TMEM132D: variants seen among roughly 807,000 people sequenced by gnomAD.
TMEM132D encodes mature OL transmembrane protein.
In TMEM132D, 21 loss-of-function variants were observed where a neutral mutation model predicts 62.3. The ratio of observed to expected loss-of-function variants is 0.34; its 90% CI spans 0.24 to 0.49. The LOEUF (loss-of-function observed/expected upper bound fraction) is 0.49. Among genes scored for constraint, TMEM132D ranks in the 20% least tolerant of loss-of-function variants. The probability of loss-of-function intolerance (pLI) is 0.99; values close to 1 mark genes in which losing one functional copy is unlikely to be tolerated. For synonymous variants in TMEM132D, 621 were observed against 575.6 expected (o/e 1.08, Z -1.13); for missense variants, 1,346 against 1,402.8 (o/e 0.96, Z 0.65).
intron 5 of TMEM132D, among the ~76,000 whole-genome samples, chr12:129,183,524 A>C (rs1046363160): frequency 3.3e-5 from 5 of 152,250 alleles, no homozygotes; most frequent in African/African-American, 1.2e-4. Context: ...GATTTCTAGA[A>C]GGAGCCTTGC....
At chr12:129,825,766 T>C (rs1484105527) in intron 1 of TMEM132D, among the ~76,000 whole-genome samples, 1 of 152,056 alleles carries the variant, frequency 6.6e-6, no homozygotes, top group Non-Finnish European at 1.5e-5. Context: ...GGCCCACACT[T>C]TAAAGCGAGG....
chr12:129,457,652 T>A (rs1264935046), intron 3 of TMEM132D, among the ~76,000 whole-genome samples: 1 of 151,964 alleles, frequency 6.6e-6, no homozygotes, highest in Non-Finnish European at 1.5e-5. Flanking sequence ...ATGTGAAGCA[T>A]GGCTGGGAGG....
At chr12:129,484,012 C>G (rs528680266) in intron 3 of TMEM132D, among the ~76,000 whole-genome samples, 1 of 152,270 alleles carries the variant, frequency 6.6e-6, no homozygotes, top group South Asian at 2.1e-4. Flanking sequence ...CTCTGTCACT[C>G]AGGCTGGAGT....
intron 5 of TMEM132D, among the ~76,000 whole-genome samples, chr12:129,169,489 A>ATGT (rs1427180456): frequency 1.3e-5 from 2 of 152,212 alleles, no homozygotes; most frequent in Non-Finnish European, 2.9e-5. Context: ...TAGGACTGGC[A>ATGT]ATCTCTGAGC....
rs191120677 is a variant in TMEM132D at position 129,499,671 on chromosome 12, T to C, written c.1115+31388A>G. ...CATTAGGGAAATGAAATTAAACACA[T>C]GAACACGTGTTCTGGGACAGTGGAA... On this transcript the variant is annotated intron_variant, in intron 3 of 8. Coordinates refer to ENST00000422113, the MANE Select transcript of TMEM132D (RefSeq NM_133448.3). Among the ~76,000 whole-genome samples the C allele has an allele frequency of 5.6e-3, 855 of 152,292 alleles. 5 individuals are homozygous for C. Among genetic ancestry groups the C allele is most frequent in the Non-Finnish European group, 8.6e-3 (585 of 68,014 alleles).
At chr12:129,326,486 A>C (rs2135647230) in intron 4 of TMEM132D, among the ~76,000 whole-genome samples, 1 of 152,362 alleles carries the variant, frequency 6.6e-6, no homozygotes, top group African/African-American at 2.4e-5. Context: ...GCTTTGTGAC[A>C]CATGAAAATT....
intron 1 of TMEM132D, among the ~76,000 whole-genome samples, chr12:129,891,868 C>T (rs1317749560): frequency 1.3e-5 from 2 of 151,910 alleles, no homozygotes; most frequent in Non-Finnish European, 2.9e-5. Flanking sequence ...AGAGAGTGAA[C>T]AAAACTGGCT....
At chr12:129,627,223 C>T (rs546793674) in intron 2 of TMEM132D, among the ~76,000 whole-genome samples, 8 of 152,288 alleles carry the variant, frequency 5.3e-5, no homozygotes, top group South Asian at 2.1e-4. Flanking sequence ...AACCACAGAC[C>T]GCCTATATGA....
intron 4 of TMEM132D, among the ~76,000 whole-genome samples, chr12:129,317,161 T>A (rs1868516244): frequency 6.6e-6 from 1 of 152,230 alleles, no homozygotes; most frequent in Non-Finnish European, 1.5e-5. Flanking sequence ...CTCGCATTCA[T>A]CATGCTCTTT....
intron 2 of TMEM132D, among the ~76,000 whole-genome samples, chr12:129,625,073 G>T (rs1879177784): frequency 1.3e-5 from 2 of 152,312 alleles, no homozygotes; most frequent in African/African-American, 4.8e-5. Flanking sequence ...CTGCCTCACT[G>T]TGCAGGTAAT....
chr12:129,410,293 C>G (rs1420896321), intron 3 of TMEM132D, among the ~76,000 whole-genome samples: 1 of 152,204 alleles, frequency 6.6e-6, no homozygotes, highest in East Asian at 1.9e-4. Flanking sequence ...TTCGTCCATT[C>G]TCACACTGAT....
chr12:129,698,307 C>T (rs1029544940), intron 2 of TMEM132D: 2 of 151,590 alleles, frequency 1.3e-5, no homozygotes, highest in Admixed American at 6.6e-5. Flanking sequence ...GGCTATTCCG[C>T]GAATGGCACG....
intron 1 of TMEM132D, among the ~76,000 whole-genome samples, chr12:129,711,007 A>G (rs966239752): frequency 6.6e-6 from 1 of 151,812 alleles, no homozygotes; most frequent in Non-Finnish European, 1.5e-5. Flanking sequence ...CTGGGTAACC[A>G]TATCCACTCT....
At chr12:129,736,961 G>C (rs911871412) in intron 1 of TMEM132D, among the ~76,000 whole-genome samples, 1 of 152,084 alleles carries the variant, frequency 6.6e-6, no homozygotes, top group South Asian at 2.1e-4. Flanking sequence ...GGGATTACAG[G>C]CATGTGCCAC....
chr12:129,082,465 A>G (rs533562566), intron 6 of TMEM132D, among the ~76,000 whole-genome samples: 1 of 152,292 alleles, frequency 6.6e-6, no homozygotes, highest in South Asian at 2.1e-4. Context: ...ACTCTGATGA[A>G]GTGAGGTGCA....
rs529535165 is a variant in TMEM132D at position 129,198,139 on chromosome 12, T to C, written c.1443+11381A>G. On this transcript the variant is annotated intron_variant, in intron 5 of 8. Transcript: ENST00000422113. ...CTATTATTAAGAATTGTTAAAATTA[T>C]AAAATTATAAAAATCATTAAGAATT... is the stretch of plus-strand genomic sequence containing the variant. Among the ~76,000 whole-genome samples the C allele has an allele frequency of 7.9e-5, 12 of 152,166 alleles. No homozygotes were observed. In the South Asian group the frequency reaches 2.1e-3, roughly 26 times the overall value.
chr12:129,775,479 A>G (rs1870891652), intron 1 of TMEM132D, among the ~76,000 whole-genome samples: 1 of 152,106 alleles, frequency 6.6e-6, no homozygotes, highest in African/African-American at 2.4e-5. Context: ...GCCCCTGTTC[A>G]CTGGTTGAGT....
intron 4 of TMEM132D, among the ~76,000 whole-genome samples, chr12:129,295,237 ACTACGGAACACTGCTGGCTAGACG>A (rs1566024538): frequency 6.6e-6 from 1 of 151,038 alleles, no homozygotes; most frequent in African/African-American, 2.5e-5. Context: ...CTGGCTAGAC[ACTACGGAACACTGCTGGCTAGACG>A]CTACGGAACA....
intron 5 of TMEM132D, among the ~76,000 whole-genome samples, chr12:129,183,501 T>A (rs1037722749): frequency 1.3e-5 from 2 of 152,238 alleles, no homozygotes; most frequent in African/African-American, 4.8e-5. Context: ...CCACCTGAGC[T>A]CCTAGACAAC....
Sources: allele counts gnomAD v4.1 joint callset (sites outside exome capture counted in the v4.1 genomes callset), GRCh38; gene constraint gnomAD v4.1.1; transcripts MANE v1.5; gene names NCBI Gene and HGNC (gene_info 2026-07-23, HGNC 2026-07-21).